The following CEP162 variants were observed in gnomAD, a reference collection of about 807,000 sequenced individuals.
CEP162 encodes centrosomal protein 162, also known as centrosomal protein of 162 kDa.
CEP162 carries 141 observed loss-of-function variants against 169.2 expected under a neutral mutation model. That is an observed-to-expected ratio of 0.83 (90% CI 0.73 to 0.96). The LOEUF (loss-of-function observed/expected upper bound fraction) is 0.96. Ranked by LOEUF, CEP162 falls within the 40% of genes least tolerant of loss-of-function variation. The pLI is 0.00. For synonymous variants in CEP162, 540 were observed against 526.4 expected (o/e 1.03, Z -0.35); for missense variants, 1,600 against 1,587.2 (o/e 1.01, Z -0.14).
chr6:84,170,024 C>T (rs1421614519), intron 17 of CEP162, among the ~76,000 whole-genome samples: 2 of 151,966 alleles, frequency 1.3e-5, no homozygotes, highest in African/African-American at 4.8e-5. Flanking sequence ...CTTTTAGAAG[C>T]CAAGTAGTAC....
chr6:84,182,911 T>C (rs2099535537), intron 13 of CEP162, among the ~76,000 whole-genome samples: 1 of 152,136 alleles, frequency 6.6e-6, no homozygotes, highest in African/African-American at 2.4e-5. Context: ...TTCTGTATAT[T>C]TTCTGAACAC....
chr6:84,184,155 C>G (rs932585863), intron 13 of CEP162, among the ~76,000 whole-genome samples: 1 of 152,150 alleles, frequency 6.6e-6, no homozygotes, highest in African/African-American at 2.4e-5. Flanking sequence ...AGCTCCTCTA[C>G]TCAAAAACAT....
At chr6:84,136,948 C>G (rs983172159) in intron 25 of CEP162, among the ~76,000 whole-genome samples, 1 of 152,198 alleles carries the variant, frequency 6.6e-6, no homozygotes, top group Admixed American at 6.5e-5. Context: ...AACTGAAATA[C>G]TTCATAGGAA....
chr6:84,152,482 T>C, intron 23 of CEP162, 63 bp downstream of exon 23: 1 of 883,204 alleles, frequency 1.1e-6, no homozygotes, highest in Non-Finnish European at 1.6e-6. Context: ...AAATATATCG[T>C]ATAATTTTTC....
At chr6:84,169,819 T>C (rs1243717845) in intron 17 of CEP162, among the ~76,000 whole-genome samples, 1 of 152,204 alleles carries the variant, frequency 6.6e-6, no homozygotes, top group Admixed American at 6.5e-5. Context: ...GTCTCATACA[T>C]GGAAACTAAC....
chr6:84,149,757 T>C (rs1460663230), intron 23 of CEP162, 54 bp from the exon 24 acceptor site: 59 of 1,401,902 alleles, frequency 4.2e-5, no homozygotes, highest in Non-Finnish European at 5.1e-5. Context: ...CAACCTCTAA[T>C]TCAGAGTTAG....
chr6:84,192,066 G>A lies in CEP162; in HGVS notation c.1109+1543C>T, dbSNP rs796596760. Among the ~76,000 whole-genome samples the A allele has an allele frequency of 5.4e-4, 82 of 152,246 alleles. 1 individual carries two copies. Among genetic ancestry groups the A allele is most frequent in the African/African-American group, 1.9e-3 (79 of 41,542 alleles). ...TGACAAGCAGCCTGGGTTCCTAAATGACTGTGTGGAGCAGAGCCCCAATCC... is the reference window on the plus strand; with the variant it reads ...TGACAAGCAGCCTGGGTTCCTAAATAACTGTGTGGAGCAGAGCCCCAATCC... On this transcript the variant is annotated intron_variant, in intron 11 of 26. Transcript: ENST00000403245.
Position 84,155,330 on chromosome 6 carries a change from G to T in CEP162, c.2962C>A (p.Arg988Ser). The change falls in exon 22 of 27, where the codon CGT becomes AGT. Residue 988 changes from arginine to serine, a missense_variant. Arg to Ser is a moderately radical substitution (Grantham distance 110). Coordinates refer to ENST00000403245, the MANE Select transcript of CEP162 (RefSeq NM_014895.4). ...GKDEDAKKSLRTMEQQFQKMK... is the reference protein window; with the variant it reads ...GKDEDAKKSLSTMEQQFQKMK... ...TTCTGAAACTGTTGTTCCATGGTACGAAGGCTTTTCTTTGCATCTTCATCT... is the reference window on the plus strand; with the variant it reads ...TTCTGAAACTGTTGTTCCATGGTACTAAGGCTTTTCTTTGCATCTTCATCT... The T allele has an allele frequency of 6.2e-7, 1 of 1,613,470 alleles. No homozygotes were observed.
intron 6 of CEP162, among the ~76,000 whole-genome samples, chr6:84,211,013 C>T (rs1419412717): frequency 6.6e-6 from 1 of 151,620 alleles, no homozygotes; most frequent in Non-Finnish European, 1.5e-5. Context: ...ATTCACAATA[C>T]CCAATATCCA....
At chr6:84,213,277 C>G (rs1445525037) in intron 5 of CEP162, among the ~76,000 whole-genome samples, 2 of 152,104 alleles carry the variant, frequency 1.3e-5, no homozygotes, top group Admixed American at 6.5e-5. Flanking sequence ...TAAATATACA[C>G]AATTTTATTA....
chr6:84,147,777 T>C (rs555180895), intron 24 of CEP162, among the ~76,000 whole-genome samples: 1 of 152,322 alleles, frequency 6.6e-6, no homozygotes, highest in African/African-American at 2.4e-5. Context: ...ATTTAAGAAC[T>C]ATGGCTTAAA....
chr6:84,194,579 G>A (rs935367574), intron 10 of CEP162, among the ~76,000 whole-genome samples: 4 of 151,598 alleles, frequency 2.6e-5, no homozygotes, highest in African/African-American at 4.9e-5. Flanking sequence ...TCAGGCTCCC[G>A]AGTAGCTGGG....
At chr6:84,182,882 G>C (rs1289155052) in intron 13 of CEP162, among the ~76,000 whole-genome samples, 2 of 152,064 alleles carry the variant, frequency 1.3e-5, no homozygotes, top group African/African-American at 4.8e-5. Context: ...AACCAATGTT[G>C]ATTTTAATTT....
At chr6:84,143,538 C>CTGTA (rs1440702474) in intron 25 of CEP162, among the ~76,000 whole-genome samples, 1 of 151,778 alleles carries the variant, frequency 6.6e-6, no homozygotes, top group Non-Finnish European at 1.5e-5. Flanking sequence ...ATAATTAAAT[C>CTGTA]TGTACTAAAG....
At chr6:84,132,805 G>A (rs938949553) in intron 25 of CEP162, among the ~76,000 whole-genome samples, 6 of 151,858 alleles carry the variant, frequency 4.0e-5, no homozygotes, top group African/African-American at 1.2e-4. Context: ...CCTTTACCTC[G>A]GAGAAGTTTG....
intron 21 of CEP162, among the ~76,000 whole-genome samples, chr6:84,160,366 T>G (rs1028689840): frequency 6.6e-6 from 1 of 152,180 alleles, no homozygotes; most frequent in African/African-American, 2.4e-5. Flanking sequence ...GAGCTCAAGA[T>G]AATGGCCAGC....
chr6:84,146,624 A>C, intron 25 of CEP162, 63 bp downstream of exon 25: 1 of 707,866 alleles, frequency 1.4e-6, no homozygotes, highest in Non-Finnish European at 2.4e-6. Flanking sequence ...ATTTATAAAT[A>C]TGAATATGAT....
At chr6:84,162,175 C>T (rs2099526041) in intron 19 of CEP162, among the ~76,000 whole-genome samples, 1 of 152,040 alleles carries the variant, frequency 6.6e-6, no homozygotes, top group South Asian at 2.1e-4. Context: ...TTATTTTCCA[C>T]TAACCTTTTT....
chr6:84,172,114 G>GA (rs140102120), intron 16 of CEP162, among the ~76,000 whole-genome samples: 1,905 of 149,850 alleles, frequency 0.013, 28 homozygotes, highest in African/African-American at 0.038. Context: ...CAAGAGAGGG[G>GA]AAAAAAAAAA....
Sources: allele counts gnomAD v4.1 joint callset (sites outside exome capture counted in the v4.1 genomes callset), GRCh38; gene constraint gnomAD v4.1.1; transcripts MANE v1.5; gene names NCBI Gene and HGNC (gene_info 2026-07-23, HGNC 2026-07-21).